Variants in RFTN1 observed in about 807,000 individuals in gnomAD.
RFTN1 encodes raftlin.
A neutral mutation model predicts 46.5 loss-of-function variants in RFTN1; 26 were observed. The observed-to-expected ratio is 0.56, with a 90% CI of 0.41 to 0.78. The LOEUF (loss-of-function observed/expected upper bound fraction) is 0.78. Among genes scored for constraint, RFTN1 ranks in the 30% least tolerant of loss-of-function variants. RFTN1 has a pLI of 0.00. For synonymous variants in RFTN1, 261 were observed against 284.2 expected (o/e 0.92, Z 0.82); for missense variants, 693 against 718.7 (o/e 0.96, Z 0.41).
intron 6 of RFTN1, among the ~76,000 whole-genome samples, chr3:16,358,955 C>T (rs1036588868): frequency 2.8e-5 from 4 of 142,360 alleles, no homozygotes; most frequent in Non-Finnish European, 6.0e-5. Context: ...TCGCTTGAAC[C>T]GGGGAGGTGG....
chr3:16,350,161 G>A (rs575551028), intron 7 of RFTN1: 51 of 152,268 alleles, frequency 3.3e-4, no homozygotes, highest in African/African-American at 1.2e-3. Context: ...TAATTTTCTC[G>A]TTTAACATTT....
rs1295250282 is a variant in RFTN1 at position 16,335,422 on chromosome 3, C to G, written c.1147-8546G>C. Among the ~76,000 whole-genome samples the G allele has an allele frequency of 6.6e-6, 1 of 152,208 alleles. No individual in the cohort carries two copies. The highest frequency in any genetic ancestry group is 1.5e-5 in the Non-Finnish European group (1 of 68,042). ...CATTTTCTTTATCCAGTCCATAATG[C>G]TATGCAGCCTTAAAAAGGAACGAAT... On this transcript the variant is annotated intron_variant, in intron 7 of 9. Transcript: ENST00000334133. This position sits in a 1 kb window ranked among gnomAD's most constrained non-coding sequence, Gnocchi z 4.7.
At chr3:16,406,509 C>A (rs2074859848) in intron 4 of RFTN1, among the ~76,000 whole-genome samples, 1 of 152,198 alleles carries the variant, frequency 6.6e-6, no homozygotes, top group Admixed American at 6.5e-5. Flanking sequence ...TCTGGAGACA[C>A]TGCGGGTCAG....
At position 16,317,185 on chromosome 3, in the gene RFTN1, C is replaced by T. The variant is rs2068497319; in HGVS notation, c.1380G>A (p.Arg460=). The T allele has an allele frequency of 1.2e-6, 2 of 1,613,316 alleles. No individual in the cohort carries two copies. The highest frequency in any genetic ancestry group is 1.3e-5 in the African/African-American group (1 of 74,770). The part of the protein sequence containing the change: ...SREEMHNRQM[R]KSKGKLSARD... ...TGGCACTGAGTTTACCTTTTGATTT[C>T]CTCATCTGCCTGTTGTGCATTTCTT... The change falls in exon 10 of 10, where the codon AGG becomes AGA. Residue 460 remains arginine, a synonymous_variant. Transcript: ENST00000334133. The surrounding 1 kb of genome is among the most constrained non-coding windows in gnomAD (Gnocchi z 4.3).
chr3:16,339,774 A>G (rs952073903), intron 7 of RFTN1: 1 of 152,212 alleles, frequency 6.6e-6, no homozygotes, highest in Non-Finnish European at 1.5e-5. Flanking sequence ...CACAAAGGCA[A>G]GGAGTTTATC....
chr3:16,511,652 T>C (rs981597445), intron 1 of RFTN1, among the ~76,000 whole-genome samples: 3 of 152,028 alleles, frequency 2.0e-5, no homozygotes, highest in African/African-American at 4.8e-5. Flanking sequence ...TCAATTCTGC[T>C]GAAAAGAGAA....
In RFTN1 at chr3:16,418,055, G is replaced by T. The variant is rs1378299916; in HGVS notation, c.333-8572C>A. Reference sequence around the variant, plus strand: ...CCTCACTCTGCTCTCACAGTGGTGGGACCTAACCCTTTCCTAAGACATTAA... The same window carrying T: ...CCTCACTCTGCTCTCACAGTGGTGGTACCTAACCCTTTCCTAAGACATTAA... On this transcript the variant is annotated intron_variant, in intron 3 of 9. Transcript: ENST00000334133. This position sits in a 1 kb window ranked among gnomAD's most constrained non-coding sequence, Gnocchi z 5.0. Among the ~76,000 whole-genome samples the T allele has an allele frequency of 6.6e-6, 1 of 152,088 alleles. No individual in the cohort carries two copies. Among genetic ancestry groups the T allele is most frequent in the Non-Finnish European group, 1.5e-5 (1 of 68,014 alleles).
chr3:16,491,070 G>A (rs2076532588), intron 2 of RFTN1, among the ~76,000 whole-genome samples: 1 of 152,150 alleles, frequency 6.6e-6, no homozygotes, highest in South Asian at 2.1e-4. Context: ...GAAACAAATA[G>A]CAATAAGCAA....
At chr3:16,445,676 G>GT (rs1363762045) in intron 2 of RFTN1, among the ~76,000 whole-genome samples, 1 of 151,852 alleles carries the variant, frequency 6.6e-6, no homozygotes, top group Admixed American at 6.6e-5. Flanking sequence ...TAAGTAAGAA[G>GT]TTTTTTATAT....
chr3:16,403,738 ATAT>A (rs2074685590), intron 4 of RFTN1, among the ~76,000 whole-genome samples: 1 of 30,524 alleles, frequency 3.3e-5, no homozygotes, highest in East Asian at 1.6e-3. Flanking sequence ...TATATATATT[ATAT>A]TATATATTAT....
chr3:16,474,972 G>A lies in RFTN1; in HGVS notation c.145+18753C>T, dbSNP rs1049147485. Among the ~76,000 whole-genome samples the A allele has an allele frequency of 4.6e-5, 7 of 152,308 alleles. No individual in the cohort carries two copies. The highest frequency in any genetic ancestry group is 2.0e-4 in the Admixed American group (3 of 15,298). Reference sequence around the variant, plus strand: ...CTCATATTGATATTTGATCTCCCACGTTGGAGGTGGGGCCTAGTGGGAGGT... The same window carrying A: ...CTCATATTGATATTTGATCTCCCACATTGGAGGTGGGGCCTAGTGGGAGGT... On this transcript the variant is annotated intron_variant, in intron 2 of 9. Coordinates refer to ENST00000334133, the MANE Select transcript of RFTN1 (RefSeq NM_015150.2). This position sits in a 1 kb window ranked among gnomAD's most constrained non-coding sequence, Gnocchi z 5.5.
chr3:16,348,476 A>C lies in RFTN1; in HGVS notation c.1146+9456T>G, dbSNP rs931516700. Among the ~76,000 whole-genome samples, 2 of 152,126 alleles carry C rather than the reference A, an allele frequency of 1.3e-5. No homozygotes were observed. Among genetic ancestry groups the C allele is most frequent in the Non-Finnish European group, 2.9e-5 (2 of 68,002 alleles). The stretch of plus-strand genomic sequence containing the variant: ...CTTAGCCCATCCAAGTCCTGGCTTG[A>C]CTTGCCAATACCCAGCTGGAGCCCA... On this transcript the variant is annotated intron_variant, in intron 7 of 9. Coordinates refer to ENST00000334133, the MANE Select transcript of RFTN1 (RefSeq NM_015150.2). This position sits in a 1 kb window ranked among gnomAD's most constrained non-coding sequence, Gnocchi z 6.3.
In RFTN1 at chr3:16,447,865, A is replaced by G. The variant is rs879595903; in HGVS notation, c.146-13828T>C. On this transcript the variant is annotated intron_variant, in intron 2 of 9. Transcript: ENST00000334133. This position sits in a 1 kb window ranked among gnomAD's most constrained non-coding sequence, Gnocchi z 5.9. ...GATCACTTACTGAGATGGGCCATGGAGAAGTCTGGCCTTTGAGGTTACGCA... is the reference window on the plus strand; with the variant it reads ...GATCACTTACTGAGATGGGCCATGGGGAAGTCTGGCCTTTGAGGTTACGCA... Among the ~76,000 whole-genome samples the G allele has an allele frequency of 1.3e-5, 2 of 152,226 alleles. No individual in the cohort carries two copies. The highest frequency in any genetic ancestry group is 2.9e-5 in the Non-Finnish European group (2 of 68,038).
intron 3 of RFTN1, among the ~76,000 whole-genome samples, chr3:16,423,025 G>A (rs373163903): frequency 5.9e-5 from 9 of 151,950 alleles, no homozygotes; most frequent in Non-Finnish European, 1.2e-4. Context: ...AAAATTAGCC[G>A]GGCATGGTGG....
In RFTN1 at chr3:16,325,581, G is replaced by T. The variant is rs146981665; in HGVS notation, c.1250+1192C>A. 9.8e-5 allele frequency among the ~76,000 whole-genome samples: 15 copies of T among 152,328 alleles called. No individual in the cohort carries two copies. The East Asian group carries it at 2.9e-3, about 29-fold the overall frequency. ...TGGCAGACTGAAGACTTGGGTTCAAGTCTTCAGGCCCCAAATCCAGGGTTC... is the reference window on the plus strand; with the variant it reads ...TGGCAGACTGAAGACTTGGGTTCAATTCTTCAGGCCCCAAATCCAGGGTTC... On this transcript the variant is annotated intron_variant, in intron 8 of 9. Transcript: ENST00000334133.
chr3:16,348,851 A>G lies in RFTN1; in HGVS notation c.1146+9081T>C, dbSNP rs1211412693. ...GCAGGAGGACTGGTTTTGGTCCAAT[A>G]GCCCATCATCTCTGTGTCCTGCCAC... On this transcript the variant is annotated intron_variant, in intron 7 of 9. Coordinates refer to ENST00000334133, the MANE Select transcript of RFTN1 (RefSeq NM_015150.2). This position sits in a 1 kb window ranked among gnomAD's most constrained non-coding sequence, Gnocchi z 6.3. 6.6e-6 allele frequency among the ~76,000 whole-genome samples: 1 copy of G among 152,224 alleles called. No individual in the cohort carries two copies. The highest frequency in any genetic ancestry group is 6.5e-5 in the Admixed American group (1 of 15,276).
Position 16,356,931 on chromosome 3 carries a change from G to A in RFTN1, c.1146+1001C>T, listed in dbSNP as rs1470459304. On this transcript the variant is annotated intron_variant, in intron 7 of 9. Coordinates refer to ENST00000334133, the MANE Select transcript of RFTN1 (RefSeq NM_015150.2). This position sits in a 1 kb window ranked among gnomAD's most constrained non-coding sequence, Gnocchi z 4.9. ...GGAGTTTGAGACCAGCCTGGCCAAC[G>A]TGGTGAAACCCTGTCTTTACTAAAA... is the stretch of plus-strand genomic sequence containing the variant. Among the ~76,000 whole-genome samples, 4 of 152,000 alleles carry A rather than the reference G, an allele frequency of 2.6e-5. No individual in the cohort carries two copies. The highest frequency in any genetic ancestry group is 7.2e-5 in the African/African-American group (3 of 41,382).
rs554840938 is a variant in RFTN1, at chr3:16,473,607, G to C, written c.145+20118C>G. ...TTTTTAGTAGAAACGGAGTTTCACCGTGTTGCCCAGGCTGGTCTGGAACTC... is the reference window on the plus strand; with the variant it reads ...TTTTTAGTAGAAACGGAGTTTCACCCTGTTGCCCAGGCTGGTCTGGAACTC... On this transcript the variant is annotated intron_variant, in intron 2 of 9. Coordinates refer to ENST00000334133, the MANE Select transcript of RFTN1 (RefSeq NM_015150.2). This position sits in a 1 kb window ranked among gnomAD's most constrained non-coding sequence, Gnocchi z 5.3. Among the ~76,000 whole-genome samples, 1 of 151,860 alleles carries C rather than the reference G, an allele frequency of 6.6e-6. No homozygotes were observed. The highest frequency in any genetic ancestry group is 1.5e-5 in the Non-Finnish European group (1 of 67,968).
intron 7 of RFTN1, among the ~76,000 whole-genome samples, chr3:16,331,238 A>G (rs2070278769): frequency 6.6e-6 from 1 of 152,210 alleles, no homozygotes; most frequent in Non-Finnish European, 1.5e-5. Context: ...CTACCAAAAC[A>G]CTAGTGCCCA....
Sources: allele counts gnomAD v4.1 joint callset (sites outside exome capture counted in the v4.1 genomes callset), GRCh38; gene constraint gnomAD v4.1.1; non-coding constraint Gnocchi (gnomAD v3.1); transcripts MANE v1.5; gene names NCBI Gene and HGNC (gene_info 2026-07-23, HGNC 2026-07-21).